Variants in DPYD observed in about 807,000 individuals in gnomAD.
The protein encoded by DPYD is dihydropyrimidine dehydrogenase [NADP(+)].
A neutral mutation model predicts 116.2 loss-of-function variants in DPYD; 109 were observed. The observed-to-expected ratio is 0.94, with a 90% CI of 0.80 to 1.10. The LOEUF is 1.10. DPYD is among the 50% of genes least tolerant of loss of function. The pLI, the probability that DPYD is intolerant of heterozygous loss-of-function variation, is 0.00. For missense variants in DPYD, 1,302 were observed against 1,254.5 expected, an observed-to-expected ratio of 1.04 and a Z score of -0.57; for synonymous variants, 440 against 432.0, an observed-to-expected ratio of 1.02 and a Z score of -0.23.
At chr1:97,886,946 G>A (rs1672524913) in intron 1 of DPYD, among the ~76,000 whole-genome samples, 1 of 151,846 alleles carries the variant, frequency 6.6e-6, no homozygotes, top group African/African-American at 2.4e-5. Context: ...GAATCACACT[G>A]TGGAACAACT....
chr1:97,238,514 C>T (rs186902561), intron 18 of DPYD, among the ~76,000 whole-genome samples: 2 of 152,046 alleles, frequency 1.3e-5, no homozygotes, highest in African/African-American at 4.8e-5. Flanking sequence ...TTTAAAATGA[C>T]AGAAATGAAG....
intron 18 of DPYD, among the ~76,000 whole-genome samples, chr1:97,296,469 A>G (rs943337003): frequency 1.3e-5 from 2 of 152,194 alleles, no homozygotes; most frequent in Admixed American, 6.5e-5. Context: ...TTTAAGAATA[A>G]TATGTCTCGA....
At chr1:97,587,373 T>A (rs1446333446) in intron 10 of DPYD, among the ~76,000 whole-genome samples, 1 of 152,216 alleles carries the variant, frequency 6.6e-6, no homozygotes, top group Admixed American at 6.5e-5. Context: ...CCAACTCAAA[T>A]GACGTGCAGG....
At chr1:97,903,528 C>A (rs1007206214) in intron 1 of DPYD, among the ~76,000 whole-genome samples, 14 of 151,852 alleles carry the variant, frequency 9.2e-5, no homozygotes, top group African/African-American at 3.4e-4. Flanking sequence ...CAATATCTAA[C>A]ATGGACAACG....
chr1:97,552,334 T>C (rs1157475205), intron 11 of DPYD, among the ~76,000 whole-genome samples: 1 of 152,150 alleles, frequency 6.6e-6, no homozygotes, highest in African/African-American at 2.4e-5. Context: ...TGCTTTACCA[T>C]ATTTTAGGAT....
intron 5 of DPYD, 78 bp downstream of exon 5, chr1:97,721,432 A>G (rs1020006571): frequency 1.3e-6 from 2 of 1,560,708 alleles, no homozygotes; most frequent in Non-Finnish European, 1.8e-6. Context: ...TCAACAGAGC[A>G]CCAAGGATTA....
At chr1:97,830,488 C>T (rs1326095576) in intron 2 of DPYD, among the ~76,000 whole-genome samples, 5 of 151,808 alleles carry the variant, frequency 3.3e-5, no homozygotes, top group South Asian at 4.2e-4. Context: ...CCGAGGTGGG[C>T]GGATCATGAG....
At chr1:97,696,648 A>G (rs976178712) in intron 6 of DPYD, among the ~76,000 whole-genome samples, 1 of 152,116 alleles carries the variant, frequency 6.6e-6, no homozygotes, top group Middle Eastern at 3.2e-3. Context: ...CCTTTAGTAT[A>G]GTCAGTGGAA....
At chr1:97,382,230 T>A (rs1320859422) in intron 15 of DPYD, among the ~76,000 whole-genome samples, 163 bp downstream of exon 15, 1 of 152,188 alleles carries the variant, frequency 6.6e-6, no homozygotes, top group East Asian at 1.9e-4. Context: ...TCCATCATTT[T>A]AATGAAAACA....
intron 8 of DPYD, among the ~76,000 whole-genome samples, chr1:97,597,243 C>T (rs1654945841): frequency 6.6e-6 from 1 of 152,108 alleles, no homozygotes; most frequent in African/African-American, 2.4e-5. Flanking sequence ...TTAGCCACAC[C>T]CCAGGTCACA....
chr1:97,878,279 G>T (rs750462978), intron 2 of DPYD, among the ~76,000 whole-genome samples: 5 of 151,746 alleles, frequency 3.3e-5, no homozygotes, highest in Non-Finnish European at 7.4e-5. Flanking sequence ...TTGAACCTCA[G>T]GCCAGTGCCT....
At chr1:97,855,834 C>T (rs1670813554) in intron 2 of DPYD, 1 of 152,136 alleles carries the variant, frequency 6.6e-6, no homozygotes, top group South Asian at 2.1e-4. Flanking sequence ...GAAGAGGGAG[C>T]AAACATACTA....
intron 20 of DPYD, among the ~76,000 whole-genome samples, chr1:97,160,771 G>C (rs1432061228): frequency 2.0e-5 from 3 of 151,904 alleles, no homozygotes; most frequent in Non-Finnish European, 2.9e-5. Context: ...ACTATGACTG[G>C]GATTCCATAA....
chr1:97,228,491 T>C (rs1661344028), intron 19 of DPYD, among the ~76,000 whole-genome samples: 1 of 152,150 alleles, frequency 6.6e-6, no homozygotes, highest in Non-Finnish European at 1.5e-5. Flanking sequence ...CTAATTTGAG[T>C]GTAAATCTTA....
intron 5 of DPYD, among the ~76,000 whole-genome samples, chr1:97,715,842 C>T (rs1457604938): frequency 6.6e-6 from 1 of 152,002 alleles, no homozygotes; most frequent in Non-Finnish European, 1.5e-5. Flanking sequence ...CACAGAAATA[C>T]ATTATTTCAG....
chr1:97,360,055 G>A (rs1360330373), intron 16 of DPYD, among the ~76,000 whole-genome samples: 4 of 151,936 alleles, frequency 2.6e-5, no homozygotes, highest in African/African-American at 9.7e-5. Context: ...GTATTCAGGA[G>A]AACCATCTCA....
intron 5 of DPYD, among the ~76,000 whole-genome samples, chr1:97,713,420 T>G (rs1381895920): frequency 6.6e-6 from 1 of 152,154 alleles, no homozygotes; most frequent in Non-Finnish European, 1.5e-5. Flanking sequence ...TTTTAAGTCC[T>G]AGATATTAAG....
chr1:97,610,829 G>T (rs116731995), intron 8 of DPYD, among the ~76,000 whole-genome samples: 1,990 of 152,074 alleles, frequency 0.013, 22 homozygotes, highest in Middle Eastern at 0.024. Flanking sequence ...ATGATTAGCT[G>T]CTTACAAAAT....
At chr1:97,594,966 T>G in intron 9 of DPYD, 93 bp downstream of exon 9, 1 of 1,033,742 alleles carries the variant, frequency 9.7e-7, no homozygotes, top group East Asian at 2.8e-5. Context: ...GTGTGAGAGC[T>G]GAACAATGTG....
Sources: gnomAD v4.1 joint callset for allele counts (sites outside exome capture counted in the v4.1 genomes callset) on GRCh38, gnomAD v4.1.1 for gene constraint, MANE v1.5 for transcripts, NCBI Gene and HGNC (gene_info 2026-07-23, HGNC 2026-07-21) for gene names.